KAZN: variants seen among roughly 807,000 people sequenced by gnomAD.
KAZN encodes the protein kazrin.
In KAZN, 40 loss-of-function variants were observed where a neutral mutation model predicts 87.4. That is an observed-to-expected ratio of 0.46 (90% CI 0.36 to 0.60). KAZN has a LOEUF of 0.60. Among genes scored for constraint, KAZN ranks in the 20% least tolerant of loss-of-function variants. The pLI is 0.00. For synonymous variants in KAZN, 466 were observed against 458.3 expected, an observed-to-expected ratio of 1.02 and a Z score of -0.22; for missense variants, 898 against 1,073.9, an observed-to-expected ratio of 0.84 and a Z score of 2.29.
At position 14,220,986 on chromosome 1, in the gene KAZN, G is replaced by A. The variant is rs562247834; in HGVS notation, c.249+40394G>A. 6.7e-4 allele frequency among the ~76,000 whole-genome samples: 102 copies of A among 152,282 alleles called. 1 individual carries two copies. The South Asian group carries it at 0.011, about 16-fold the overall frequency. On this transcript the variant is annotated intron_variant, in intron 2 of 16. Coordinates refer to the KAZN transcript ENST00000636203. The stretch of plus-strand genomic sequence containing the variant: ...ATCCATCTGCTTGTTCATCCCACAA[G>A]CATTACTGAAAGCTGACTTTGATGC...
At chr1:14,864,908 A>G (rs1037890743) in intron 1 of KAZN, among the ~76,000 whole-genome samples, 1 of 152,170 alleles carries the variant, frequency 6.6e-6, no homozygotes, top group Non-Finnish European at 1.5e-5. Context: ...GATGCAAACG[A>G]ATTACTGCAT....
chr1:14,165,042 C>A (rs1055888599), intron 1 of KAZN, among the ~76,000 whole-genome samples: 1 of 138,394 alleles, frequency 7.2e-6, no homozygotes, highest in Non-Finnish European at 1.6e-5. Context: ...GCAAAAGGAT[C>A]ATTTTTCCTC....
At position 13,959,996 on chromosome 1, in the gene KAZN, T is replaced by C. The variant is rs538128221; in HGVS notation, c.91+66240T>C. Among the ~76,000 whole-genome samples the C allele has an allele frequency of 1.1e-3, 172 of 152,304 alleles. 1 individual carries two copies. The highest frequency in any genetic ancestry group is 4.1e-3 in the African/African-American group (171 of 41,562). ...ATACAGACTATTCCTTCTATTTTCA[T>C]GTGTATTTGAAGTTTTTCATAATAA... On this transcript the variant is annotated intron_variant, in intron 1 of 16. Coordinates refer to the KAZN transcript ENST00000636203.
intron 1 of KAZN, among the ~76,000 whole-genome samples, chr1:14,009,085 A>G (rs1557779079): frequency 6.6e-6 from 1 of 152,182 alleles, no homozygotes; most frequent in Non-Finnish European, 1.5e-5. Flanking sequence ...TGACTGGCTT[A>G]TTTCACTTAG....
intron 1 of KAZN, among the ~76,000 whole-genome samples, chr1:14,129,082 T>A (rs568465671): frequency 2.6e-4 from 39 of 152,312 alleles, no homozygotes; most frequent in Non-Finnish European, 4.4e-5. Context: ...AGGCACTGAT[T>A]TTTCTTTGTT....
intron 1 of KAZN, among the ~76,000 whole-genome samples, chr1:13,943,789 C>G (rs761254673): frequency 6.6e-6 from 1 of 152,094 alleles, no homozygotes; most frequent in Non-Finnish European, 1.5e-5. Flanking sequence ...AAAAGATACT[C>G]AACAGCATTA....
intron 2 of KAZN, among the ~76,000 whole-genome samples, chr1:14,318,694 G>T (rs551479976): frequency 6.6e-6 from 1 of 151,876 alleles, no homozygotes; most frequent in African/African-American, 2.4e-5. Context: ...CGATATTGTC[G>T]TGCAATTCAA....
chr1:15,015,158 T>G (rs1669955664), intron 2 of KAZN, among the ~76,000 whole-genome samples: 1 of 151,208 alleles, frequency 6.6e-6, no homozygotes, highest in Non-Finnish European at 1.5e-5. Flanking sequence ...ATTTATTTAT[T>G]TATTTATTTA....
At chr1:14,323,397 T>A (rs1656186118) in intron 2 of KAZN, among the ~76,000 whole-genome samples, 2 of 152,054 alleles carry the variant, frequency 1.3e-5, no homozygotes, top group South Asian at 4.1e-4. Flanking sequence ...GGTCACCAAA[T>A]CATTTACCTT....
intron 10 of KAZN, 104 bp downstream of exon 10, chr1:15,095,037 G>A: frequency 1.3e-6 from 1 of 764,308 alleles, no homozygotes; most frequent in Non-Finnish European, 2.2e-6. Flanking sequence ...GAACCAGGTG[G>A]TGGGGGACAG....
At chr1:14,688,327 T>C (rs1641077719) in intron 1 of KAZN, among the ~76,000 whole-genome samples, 2 of 152,244 alleles carry the variant, frequency 1.3e-5, no homozygotes, top group Admixed American at 1.3e-4. Context: ...AGTGTTGAGC[T>C]AGATGGCCTC....
chr1:14,538,519 C>T (rs1672628686), intron 2 of KAZN, among the ~76,000 whole-genome samples: 1 of 152,182 alleles, frequency 6.6e-6, no homozygotes, highest in Non-Finnish European at 1.5e-5. Flanking sequence ...GGGAGAAATG[C>T]TGTCCTCACA....
intron 1 of KAZN, among the ~76,000 whole-genome samples, chr1:14,834,140 A>C (rs1489183490): frequency 6.6e-6 from 1 of 151,606 alleles, no homozygotes; most frequent in African/African-American, 2.4e-5. Flanking sequence ...GGTTCAAGCA[A>C]TTCTGCTACC....
intron 1 of KAZN, among the ~76,000 whole-genome samples, chr1:14,882,376 C>T (rs1237358086): frequency 6.6e-6 from 1 of 152,208 alleles, no homozygotes; most frequent in East Asian, 1.9e-4. Flanking sequence ...GCCCTAAAGA[C>T]TCTTCCATGT....
At chr1:14,774,391 C>T (rs72636654) in intron 1 of KAZN, among the ~76,000 whole-genome samples, 18,303 of 151,916 alleles carry the variant, frequency 0.12, 1,157 homozygotes, top group African/African-American at 0.17. Context: ...AATGGTTCTC[C>T]GCTTATCTCC....
chr1:15,094,219 G>C lies in KAZN; in HGVS notation c.1262G>C (p.Ser421Thr). 1 of 1,613,866 alleles carries C rather than the reference G, an allele frequency of 6.2e-7. No homozygotes were observed. The highest frequency in any genetic ancestry group is 8.5e-7 in the Non-Finnish European group (1 of 1,179,898). ...SQCSPTRQSLSLSEGEEQMDR... is the reference protein window; with the variant it reads ...SQCSPTRQSLTLSEGEEQMDR... Reference sequence around the variant, plus strand: ...TGCAGCCCCACGCGGCAGAGCCTCAGCCTGTCGGAAGGCGAGGAGCAGATG... The same window carrying C: ...TGCAGCCCCACGCGGCAGAGCCTCACCCTGTCGGAAGGCGAGGAGCAGATG... Residue 421 changes from serine to threonine, a missense_variant, in exon 9 of 15, where the codon AGC becomes ACC. Ser to Thr is a moderately conservative substitution (Grantham distance 58). Coordinates refer to ENST00000376030, the MANE Select transcript of KAZN (RefSeq NM_201628.3). This position sits in a 1 kb window ranked among gnomAD's most constrained non-coding sequence, Gnocchi z 4.5.
chr1:14,496,228 A>G (rs1049743088), intron 2 of KAZN, among the ~76,000 whole-genome samples: 6 of 152,218 alleles, frequency 3.9e-5, no homozygotes, highest in Non-Finnish European at 8.8e-5. Context: ...ATTTATAAAA[A>G]ATCCCTGCTG....
At chr1:14,699,012 G>A in intron 1 of KAZN, among the ~76,000 whole-genome samples, 1 of 152,032 alleles carries the variant, frequency 6.6e-6, no homozygotes, top group East Asian at 1.9e-4. Flanking sequence ...TTGCAGAAGG[G>A]AAGCCTTATC....
At chr1:14,142,955 C>T (rs1013289465) in intron 1 of KAZN, among the ~76,000 whole-genome samples, 2 of 152,106 alleles carry the variant, frequency 1.3e-5, no homozygotes, top group African/African-American at 4.8e-5. Flanking sequence ...CCACCATGCC[C>T]TTATGCCCCT....
Sources: allele counts gnomAD v4.1 joint callset (sites outside exome capture counted in the v4.1 genomes callset), GRCh38; gene constraint gnomAD v4.1.1; non-coding constraint Gnocchi (gnomAD v3.1); transcripts MANE v1.5; gene names NCBI Gene and HGNC (gene_info 2026-07-23, HGNC 2026-07-21).